Variants in BIRC7 observed in about 807,000 individuals in gnomAD.
BIRC7 encodes the protein baculoviral IAP repeat-containing protein 7.
A neutral mutation model predicts 33.2 loss-of-function variants in BIRC7; 26 were observed. That is an observed-to-expected ratio of 0.78 (90% CI 0.57 to 1.09). BIRC7 has a LOEUF of 1.09. BIRC7 is among the 50% of genes least tolerant of loss of function. The pLI is 0.00. For missense variants in BIRC7, 409 were observed against 401.2 expected, an observed-to-expected ratio of 1.02 and a Z score of -0.17; for synonymous variants, 176 against 171.0, an observed-to-expected ratio of 1.03 and a Z score of -0.23.
chr20:63,238,354 G>T, intron 2 of BIRC7, 42 bp from the exon 3 acceptor site: 1 of 1,605,604 alleles, frequency 6.2e-7, no homozygotes. Context: ...AGCAGACAGT[G>T]GGGGCCCTGA....
At chr20:63,237,446 A>G (rs2123025045) in intron 1 of BIRC7, among the ~76,000 whole-genome samples, 1 of 152,166 alleles carries the variant, frequency 6.6e-6, no homozygotes, top group African/African-American at 2.4e-5. Context: ...CGGGTCCCCC[A>G]CCCCCAAAGG....
intron 4 of BIRC7, 68 bp downstream of exon 4, chr20:63,238,682 G>C (rs2066708102): frequency 1.9e-6 from 3 of 1,577,900 alleles, no homozygotes; most frequent in Admixed American, 1.7e-5. Flanking sequence ...AAGGCCACTG[G>C]GTGTCCCCAC....
intron 1 of BIRC7, among the ~76,000 whole-genome samples, chr20:63,237,339 A>C (rs1321219181): frequency 1.4e-4 from 21 of 152,216 alleles, no homozygotes; most frequent in Admixed American, 1.4e-3. Flanking sequence ...GTAGAGGTCC[A>C]GTGCCCGATG....
chr20:63,238,778 A>C (rs2066708754), intron 4 of BIRC7, 164 bp downstream of exon 4: 2 of 856,906 alleles, frequency 2.3e-6, no homozygotes, highest in Non-Finnish European at 3.6e-6. Flanking sequence ...GTGCCATGTG[A>C]GGGTGGGGGC....
At position 63,238,631 on chromosome 20, in the gene BIRC7, C is replaced by T. The variant is rs369077805; in HGVS notation, c.577+17C>T. The T allele has an allele frequency of 1.2e-5, 19 of 1,612,052 alleles. No homozygotes were observed. The highest frequency in any genetic ancestry group is 1.7e-5 in the Admixed American group (1 of 59,996). Reference sequence around the variant, plus strand: ...CCCCCTCCGGTGAGAGCTGACACCACCCCTGCTGACTCCTTGTGCGCCTGC... The same window carrying T: ...CCCCCTCCGGTGAGAGCTGACACCATCCCTGCTGACTCCTTGTGCGCCTGC... On this transcript the variant is annotated intron_variant, in intron 4 of 6. Transcript: ENST00000217169.
At position 63,239,354 on chromosome 20, in the gene BIRC7, C is replaced by T. The variant is rs779286324; in HGVS notation, c.650-4C>T. On this transcript the variant is annotated splice_region_variant and splice_polypyrimidine_tract_variant and intron_variant, in intron 5 of 6. Transcript: ENST00000217169. Reference sequence around the variant, plus strand: ...GGGGACATTTCGCAGGCCTGTCCTCCTAGGAGGGGTCAGTCCAGCCGAGGC... The same window carrying T: ...GGGGACATTTCGCAGGCCTGTCCTCTTAGGAGGGGTCAGTCCAGCCGAGGC... 3 of 1,602,606 alleles carry T rather than the reference C, an allele frequency of 1.9e-6. No homozygotes were observed. The Admixed American group carries it at 5.0e-5, about 27-fold the overall frequency.
In BIRC7 at chr20:63,239,244, G is replaced by A. The variant is rs757380953; in HGVS notation, c.649+11G>A. 17 of 1,551,098 alleles carry A rather than the reference G, an allele frequency of 1.1e-5. No homozygotes were observed. The highest frequency in any genetic ancestry group is 3.7e-5 in the Admixed American group (2 of 53,440). On this transcript the variant is annotated intron_variant, in intron 5 of 6. Coordinates refer to ENST00000217169, the MANE Select transcript of BIRC7 (RefSeq NM_139317.3). Reference sequence around the variant, plus strand: ...GTGCCCAGGAGCCAGGTGCAGGCCCGGGACCCCCTGGGTGAGGGCTGGGGC... The same window carrying A: ...GTGCCCAGGAGCCAGGTGCAGGCCCAGGACCCCCTGGGTGAGGGCTGGGGC...
At chr20:63,236,834 G>A (rs1483007976) in intron 1 of BIRC7, among the ~76,000 whole-genome samples, 1 of 152,240 alleles carries the variant, frequency 6.6e-6, no homozygotes, top group Non-Finnish European at 1.5e-5. Flanking sequence ...TTAAAGAACA[G>A]GATCAGGGTG....
At chr20:63,236,588 C>A in intron 1 of BIRC7, 143 bp downstream of exon 1, 1 of 1,299,366 alleles carries the variant, frequency 7.7e-7, no homozygotes, top group Non-Finnish European at 9.9e-7. Context: ...GTCCTGCAAG[C>A]CCCTCCAGTG....
At position 63,240,466 on chromosome 20, in the gene BIRC7, T is replaced by G. The variant is rs1441907377; in HGVS notation, c.*216T>G. The G allele has an allele frequency of 6.6e-6, 1 of 152,246 alleles. No individual in the cohort carries two copies. Among genetic ancestry groups the G allele is most frequent in the Non-Finnish European group, 1.5e-5 (1 of 68,088 alleles). 9.4% of individuals were successfully genotyped at this position (152,246 alleles called of 1,614,324 possible). The stretch of plus-strand genomic sequence containing the variant: ...CTGTACCTGTTTGGATGCTTCTGAA[T>G]AGAAATAAAGTGGGTTTTCCCTGGA... On this transcript the variant is annotated 3_prime_UTR_variant, in exon 7 of 7. Transcript: ENST00000217169.
At position 63,237,964 on chromosome 20, in the gene BIRC7, G is replaced by A; in HGVS notation, c.411G>A (p.Gly137=). The A allele has an allele frequency of 1.2e-6, 2 of 1,608,770 alleles. No individual in the cohort carries two copies. The highest frequency in any genetic ancestry group is 1.1e-5 in the South Asian group (1 of 90,476). ...GGGGCCTGCAGAGCTGGAAGCGCGG[G>A]GACGACCCCTGGACGGAGCATGCCA... ...CYGGLQSWKR[G]DDPWTEHAKW... Residue 137 remains glycine (G), a synonymous_variant, in exon 2 of 7, where the codon GGG becomes GGA. Coordinates refer to ENST00000217169, the MANE Select transcript of BIRC7 (RefSeq NM_139317.3).
Position 63,238,367 on chromosome 20 carries a change from C to G in BIRC7, c.450-29C>G. 2.5e-6 allele frequency: 4 copies of G among 1,610,918 alleles called. No homozygotes were observed. The African/African-American group carries it at 4.0e-5, about 16-fold the overall frequency. On this transcript the variant is annotated intron_variant, in intron 2 of 6. Transcript: ENST00000217169. Reference sequence around the variant, plus strand: ...GAAGCAGACAGTGGGGGCCCTGAACCCCAACCTACATCTCTGGGGCATCTG... The same window carrying G: ...GAAGCAGACAGTGGGGGCCCTGAACGCCAACCTACATCTCTGGGGCATCTG...
At chr20:63,237,861 TG>T in intron 1 of BIRC7, 41 bp from the exon 2 acceptor site, 2 of 1,534,242 alleles carry the variant, frequency 1.3e-6, no homozygotes, top group Non-Finnish European at 1.8e-6. Flanking sequence ...GCCCGGGGAC[TG>T]GGTGGGACTT....
intron 2 of BIRC7, 61 bp downstream of exon 2, chr20:63,238,063 G>T: frequency 7.1e-7 from 1 of 1,408,982 alleles, no homozygotes; most frequent in Non-Finnish European, 9.5e-7. Flanking sequence ...GCCCCCAACG[G>T]CTCTGTCGAC....
In BIRC7 at chr20:63,238,007, C is replaced by T. The variant is rs778019169; in HGVS notation, c.449+5C>T. 37 of 1,586,476 alleles carry T rather than the reference C, an allele frequency of 2.3e-5. No individual in the cohort carries two copies. The East Asian group carries it at 2.7e-4, about 12-fold the overall frequency. ...GCATGCCAAGTGGTTCCCCAGGTAC[C>T]GGCTGCCCCTGCGGGGCCCCGGGTC... is the stretch of plus-strand genomic sequence containing the variant. On this transcript the variant is annotated splice_donor_5th_base_variant and intron_variant, in intron 2 of 6. Coordinates refer to ENST00000217169, the MANE Select transcript of BIRC7 (RefSeq NM_139317.3).
intron 6 of BIRC7, 38 bp downstream of exon 6, chr20:63,239,648 C>A: frequency 3.2e-6 from 5 of 1,557,902 alleles, no homozygotes; most frequent in Non-Finnish European, 4.3e-6. Context: ...AGCCCTCCTG[C>A]GGAGGGGGCC....
rs2066688285 is a variant in BIRC7 at position 63,236,320 on chromosome 20, T to C, written c.224T>C (p.Leu75Ser). 6.2e-7 allele frequency: 1 copy of C among 1,608,094 alleles called. No homozygotes were observed. Among genetic ancestry groups the C allele is most frequent in the Non-Finnish European group, 8.5e-7 (1 of 1,176,800 alleles). ...EEEEEGAGAT[L>S]SRGPAFPGMG... ...GAGGAGGAGGGCGCCGGGGCCACCT[T>C]GTCCAGGGGGCCTGCCTTCCCCGGC... Residue 75 changes from leucine to serine, a missense_variant, in exon 1 of 7, where the codon TTG (leucine) becomes TCG (serine). Leu to Ser is a moderately radical substitution (Grantham distance 145). Transcript: ENST00000217169.
intron 5 of BIRC7, 38 bp downstream of exon 5, chr20:63,239,271 G>A (rs781203230): frequency 1.9e-6 from 3 of 1,609,778 alleles, no homozygotes. Flanking sequence ...GGCTGGGGCA[G>A]GGGAGGGCTG....
intron 1 of BIRC7, 30 bp downstream of exon 1, chr20:63,236,475 C>G (rs371997368): frequency 2.0e-6 from 3 of 1,504,604 alleles, no homozygotes; most frequent in African/African-American, 2.8e-5. Flanking sequence ...GCCTTCCTGC[C>G]GTGGGCCTGG....
Sources: gnomAD v4.1 joint callset for allele counts (sites outside exome capture counted in the v4.1 genomes callset) on GRCh38, gnomAD v4.1.1 for gene constraint, MANE v1.5 for transcripts, NCBI Gene and HGNC (gene_info 2026-07-23, HGNC 2026-07-21) for gene names.